The following CNTNAP5 variants were observed in gnomAD, a reference collection of about 807,000 sequenced individuals.
CNTNAP5 encodes the protein contactin associated protein family member 5.
CNTNAP5 carries 72 observed loss-of-function variants against 150.2 expected under a neutral mutation model. The observed-to-expected ratio is 0.48, with a 90% confidence interval of 0.40 to 0.58. The LOEUF is 0.58. Ranked by LOEUF, CNTNAP5 falls within the 20% of genes least tolerant of loss-of-function variation. The pLI is 0.00. For missense variants in CNTNAP5, 1,636 were observed against 1,626.2 expected (o/e 1.01, Z -0.10); for synonymous variants, 672 against 619.8 (o/e 1.08, Z -1.25).
chr2:124,213,221 T>G (rs975869977), intron 1 of CNTNAP5, among the ~76,000 whole-genome samples: 19 of 152,134 alleles, frequency 1.2e-4, no homozygotes, highest in African/African-American at 4.6e-4. Context: ...TGTAAGTATT[T>G]TTGAAGGCAA....
intron 13 of CNTNAP5, among the ~76,000 whole-genome samples, chr2:124,666,495 T>C (rs2105051671): frequency 6.6e-6 from 1 of 152,242 alleles, no homozygotes; most frequent in East Asian, 1.9e-4. Flanking sequence ...TTAATGCTGG[T>C]CAGCTGTGCC....
chr2:124,246,296 G>A (rs1237584539), intron 3 of CNTNAP5, among the ~76,000 whole-genome samples: 1 of 152,066 alleles, frequency 6.6e-6, no homozygotes, highest in Admixed American at 6.6e-5. Context: ...ATCCAATTTG[G>A]AGAGTTTCTG....
At chr2:124,888,317 A>T (rs1399602830) in intron 21 of CNTNAP5, among the ~76,000 whole-genome samples, 1 of 152,124 alleles carries the variant, frequency 6.6e-6, no homozygotes, top group East Asian at 1.9e-4. Context: ...AATAGTGTAT[A>T]TGTACCACAT....
intron 3 of CNTNAP5, among the ~76,000 whole-genome samples, chr2:124,381,644 G>A (rs1251387837): frequency 6.6e-6 from 1 of 152,058 alleles, no homozygotes; most frequent in Non-Finnish European, 1.5e-5. Flanking sequence ...GGTAAAGTGG[G>A]GAAATGAAAG....
intron 13 of CNTNAP5, among the ~76,000 whole-genome samples, chr2:124,667,671 T>G (rs1678728834): frequency 6.6e-6 from 1 of 152,338 alleles, no homozygotes; most frequent in East Asian, 1.9e-4. Context: ...ACATTAACAT[T>G]AATAGTGCAT....
At chr2:124,781,410 C>A (rs1681448519) in intron 17 of CNTNAP5, among the ~76,000 whole-genome samples, 1 of 152,132 alleles carries the variant, frequency 6.6e-6, no homozygotes. Flanking sequence ...TTATTTCCTG[C>A]CTCTCTCTTT....
intron 1 of CNTNAP5, among the ~76,000 whole-genome samples, chr2:124,107,151 T>C (rs1015912742): frequency 5.9e-5 from 9 of 152,124 alleles, no homozygotes; most frequent in African/African-American, 2.2e-4. Flanking sequence ...AGTGATTACC[T>C]TTGTGGGTCT....
intron 13 of CNTNAP5, among the ~76,000 whole-genome samples, chr2:124,674,496 CCTTTCTTTCTTTCT>C (rs1336605423): frequency 0.04 from 4,544 of 113,762 alleles, 123 homozygotes; most frequent in Non-Finnish European, 0.063. Flanking sequence ...CTCTCTACTT[CCTTTCTTTCTTTCT>C]CTTTCTTTCT....
intron 3 of CNTNAP5, among the ~76,000 whole-genome samples, chr2:124,300,294 A>T (rs1313776018): frequency 6.6e-6 from 1 of 152,178 alleles, no homozygotes; most frequent in Non-Finnish European, 1.5e-5. Flanking sequence ...ACTATCACTG[A>T]ACCCAAACAT....
intron 3 of CNTNAP5, among the ~76,000 whole-genome samples, chr2:124,295,815 A>G (rs1688414651): frequency 6.6e-6 from 1 of 152,186 alleles, no homozygotes; most frequent in Non-Finnish European, 1.5e-5. Flanking sequence ...TTTAGACCAT[A>G]TAGGGTAACT....
rs1214169811 is a variant in CNTNAP5 at position 124,571,527 on chromosome 2, C to CTTT, written c.1756+8223_1756+8225dup. Among the ~76,000 whole-genome samples, 9 of 46,846 alleles carry CTTT rather than the reference C, an allele frequency of 1.9e-4. 2 individuals carry two copies. The highest frequency in any genetic ancestry group is 6.2e-4 in the African/African-American group (6 of 9,752). The allele number at this position is 46,846 out of a possible 152,430, so 30.7% of individuals were successfully genotyped here. A position where few individuals can be genotyped will look rare whatever the true frequency, so the allele number is the denominator to read the frequency against. On this transcript the variant is annotated intron_variant, in intron 11 of 23. Coordinates refer to ENST00000682447, the MANE Select transcript of CNTNAP5 (RefSeq NM_001367498.1). ...CACTGAGTACTTTTTTTTCTTTTTT[C>CTTT]TTTTTTTTTTTTTTTTTTTTTGAGA...
chr2:124,098,141 GTTGA>G (rs1458887031), intron 1 of CNTNAP5, among the ~76,000 whole-genome samples: 1 of 152,220 alleles, frequency 6.6e-6, no homozygotes, highest in Non-Finnish European at 1.5e-5. Context: ...CACGTAAACA[GTTGA>G]TTAACACATA....
intron 13 of CNTNAP5, among the ~76,000 whole-genome samples, chr2:124,655,987 GAAAGAAAGAAAA>G (rs1558722547): frequency 2.3e-5 from 3 of 128,108 alleles, no homozygotes; most frequent in Admixed American, 8.4e-5. Context: ...AAGAAAGAAA[GAAAGAAAGAAAA>G]AAGGAAGGAA....
intron 17 of CNTNAP5, among the ~76,000 whole-genome samples, chr2:124,788,669 C>T (rs1472039769): frequency 1.3e-5 from 2 of 148,276 alleles, no homozygotes; most frequent in African/African-American, 2.5e-5. Context: ...GGCATGATCT[C>T]GGCTCACTGT....
intron 1 of CNTNAP5, among the ~76,000 whole-genome samples, chr2:124,177,269 G>A (rs1685090462): frequency 6.6e-6 from 1 of 152,158 alleles, no homozygotes; most frequent in African/African-American, 2.4e-5. Flanking sequence ...CTAGCCCCAG[G>A]GGAGAATGAG....
At chr2:124,693,105 C>G (rs1032023341) in intron 13 of CNTNAP5, among the ~76,000 whole-genome samples, 4 of 152,050 alleles carry the variant, frequency 2.6e-5, no homozygotes, top group African/African-American at 9.7e-5. Flanking sequence ...GTTTCAGAGA[C>G]ACACAGATAC....
chr2:124,905,969 T>C (rs545068041), intron 22 of CNTNAP5, among the ~76,000 whole-genome samples: 12 of 152,104 alleles, frequency 7.9e-5, no homozygotes, highest in African/African-American at 2.7e-4. Flanking sequence ...GGGCTCTGGA[T>C]TGATTGGTTT....
intron 16 of CNTNAP5, among the ~76,000 whole-genome samples, chr2:124,769,766 G>A (rs1453940461): frequency 6.6e-6 from 1 of 152,120 alleles, no homozygotes; most frequent in African/African-American, 2.4e-5. Flanking sequence ...TAAAAATTGA[G>A]CCCTGGGAAA....
intron 2 of CNTNAP5, among the ~76,000 whole-genome samples, chr2:124,227,592 T>C (rs1558809953): frequency 6.6e-6 from 1 of 151,774 alleles, no homozygotes; most frequent in Non-Finnish European, 1.5e-5. Context: ...CTCATGCAAA[T>C]ATAAACTCAT....
Sources: allele counts gnomAD v4.1 joint callset (sites outside exome capture counted in the v4.1 genomes callset), GRCh38; gene constraint gnomAD v4.1.1; transcripts MANE v1.5; gene names NCBI Gene and HGNC (gene_info 2026-07-23, HGNC 2026-07-21).